DSTYK: variants seen among roughly 807,000 people sequenced by gnomAD.
DSTYK encodes RIP-homologous kinase.
Under a neutral mutation model 98.7 loss-of-function variants are expected in DSTYK, and 34 were observed. The ratio of observed to expected loss-of-function variants is 0.34; its 90% confidence interval spans 0.26 to 0.46. DSTYK has a LOEUF of 0.46. Among genes scored for constraint, DSTYK ranks in the 20% least tolerant of loss-of-function variants. The pLI, the probability that DSTYK is intolerant of heterozygous loss-of-function variation, is 1.00. For synonymous variants in DSTYK, 462 were observed against 457.3 expected (o/e 1.01, Z -0.13); for missense variants, 962 against 1,181.7 (o/e 0.81, Z 2.73).
rs1657753366 is a variant in DSTYK at position 205,162,340 on chromosome 1, A to C, written c.1642-128T>G. On this transcript the variant is annotated intron_variant, in intron 5 of 12. Transcript: ENST00000367162. Reference sequence around the variant, plus strand: ...GGCTCATAAGATGGGAGCCATACGAAGTCCAAAGTTCCTTTCCAATTCCAT... The same window carrying C: ...GGCTCATAAGATGGGAGCCATACGACGTCCAAAGTTCCTTTCCAATTCCAT... The C allele has an allele frequency of 1.8e-5, 20 of 1,124,208 alleles. No individual in the cohort carries two copies. The South Asian group carries it at 2.9e-4, about 17-fold the overall frequency. The allele number at this position is 1,124,208 out of a possible 1,614,324, so 69.6% of individuals were successfully genotyped here.
At chr1:205,188,464 T>C (rs1319593987) in intron 1 of DSTYK, among the ~76,000 whole-genome samples, 1 of 152,216 alleles carries the variant, frequency 6.6e-6, no homozygotes, top group African/African-American at 2.4e-5. Context: ...CATGTTACTG[T>C]ACTGAATACT....
intron 2 of DSTYK, among the ~76,000 whole-genome samples, chr1:205,175,100 C>T (rs891708971): frequency 2.1e-5 from 3 of 146,284 alleles, no homozygotes; most frequent in Non-Finnish European, 4.5e-5. Flanking sequence ...AAAGAAGCTG[C>T]CCTTTTTTTT....
chr1:205,198,895 G>A (rs763256595), intron 1 of DSTYK, among the ~76,000 whole-genome samples: 4 of 149,702 alleles, frequency 2.7e-5, no homozygotes, highest in East Asian at 3.9e-4. Context: ...GTGGTGGCGC[G>A]ATCTCGACTC....
At position 205,163,800 on chromosome 1, in the gene DSTYK, T is replaced by TAA; in HGVS notation, c.1479_1480insTT (p.Thr494LeufsTer29). ...AGGCTCTGCAGACATCGTTCCAGGG[T>TAA]TCCGACGAAGCTTTCCCTCAGGTAA... On this transcript the variant is annotated frameshift_variant, in exon 4 of 13. Transcript: ENST00000367162. LOFTEE classifies it high-confidence loss of function. 6.2e-7 allele frequency: 1 copy of TAA among 1,614,102 alleles called. No homozygotes were observed. The highest frequency in any genetic ancestry group is 8.5e-7 in the Non-Finnish European group (1 of 1,180,010).
chr1:205,147,529 TA>T lies in DSTYK; in HGVS notation c.*28del, dbSNP rs774851242. 3.1e-6 allele frequency: 5 copies of T among 1,592,708 alleles called. No homozygotes were observed. The Admixed American group carries it at 8.5e-5, about 27-fold the overall frequency. Reference sequence around the variant, plus strand: ...AAAAGGTGAGGGGGAAGGAAATAACTAGAGAGTGAAAGAGAAAGGTCTTTGC... The same window carrying T: ...AAAAGGTGAGGGGGAAGGAAATAACTGAGAGTGAAAGAGAAAGGTCTTTGC... On this transcript the variant is annotated 3_prime_UTR_variant, in exon 13 of 13. Transcript: ENST00000367162.
intron 2 of DSTYK, among the ~76,000 whole-genome samples, chr1:205,173,726 T>G (rs971882333): frequency 1.6e-4 from 24 of 151,928 alleles, no homozygotes; most frequent in African/African-American, 5.3e-4. Flanking sequence ...TACGGTTGTT[T>G]TTTTTTTTTT....
chr1:205,155,644 C>T (rs751834282), intron 10 of DSTYK, among the ~76,000 whole-genome samples: 4 of 148,090 alleles, frequency 2.7e-5, no homozygotes, highest in Admixed American at 6.8e-5. Context: ...GGCAACAGAG[C>T]GAGACTCCAT....
chr1:205,166,408 T>C (rs1657891714), intron 3 of DSTYK, among the ~76,000 whole-genome samples: 1 of 151,832 alleles, frequency 6.6e-6, no homozygotes, highest in Admixed American at 6.6e-5. Context: ...TCCTAGCACT[T>C]TGTGGGGGCT....
rs1463909789 is a variant in DSTYK at position 205,169,510 on chromosome 1, T to TCCTGGCCAGGAGCC, written c.963_976dup (p.Asp326GlyfsTer20). 6.2e-7 allele frequency: 1 copy of TCCTGGCCAGGAGCC among 1,614,136 alleles called. No individual in the cohort carries two copies. The highest frequency in any genetic ancestry group is 8.5e-7 in the Non-Finnish European group (1 of 1,180,032). On this transcript the variant is annotated frameshift_variant, in exon 3 of 13. Transcript: ENST00000367162. LOFTEE classifies it high-confidence loss of function. The surrounding 1 kb of genome is among the most constrained non-coding windows in gnomAD (Gnocchi z 4.0). ...CACCAACATGCTCTGAGCTTTAGTA[T>TCCTGGCCAGGAGCC]CCTGGCCAGGAGCCCCACAGTTCCA...
At chr1:205,205,548 C>T (rs538333661) in intron 1 of DSTYK, among the ~76,000 whole-genome samples, 60 of 152,146 alleles carry the variant, frequency 3.9e-4, no homozygotes, top group Non-Finnish European at 7.1e-4. Flanking sequence ...TGGGTTCCAG[C>T]GATTCTCCTG....
intron 1 of DSTYK, among the ~76,000 whole-genome samples, chr1:205,205,573 G>A (rs1445963749): frequency 6.6e-6 from 1 of 151,958 alleles, no homozygotes; most frequent in Non-Finnish European, 1.5e-5. Context: ...AGCCTCCTGA[G>A]CAGCTGGGAT....
In DSTYK at chr1:205,211,180, G is replaced by A. The variant is rs572532023; in HGVS notation, c.265+91C>T. 3.1e-4 allele frequency: 459 copies of A among 1,473,178 alleles called. 3 individuals are homozygous for A. In the Middle Eastern group the frequency reaches 5.3e-3, roughly 17 times the overall value. The allele number at this position is 1,473,178 out of a possible 1,614,324, so 91.3% of individuals were successfully genotyped here. ...CGACTGCCCCTTTCCGCCTGCCCGA[G>A]AAGACTCGGGCTTGTTTTGCAGGGC... On this transcript the variant is annotated intron_variant, in intron 1 of 12. Transcript: ENST00000367162.
rs374851853 is a variant in DSTYK, at chr1:205,162,094, C to G, written c.1760G>C (p.Ser587Thr). 2.2e-5 allele frequency: 36 copies of G among 1,614,148 alleles called. No individual in the cohort carries two copies. Among genetic ancestry groups the G allele is most frequent in the Admixed American group, 1.3e-4 (8 of 60,020 alleles). The part of the protein sequence containing the change: ...SASKLAKSIC[S>T]QFRTRLNSSH... ...ACTATTGAGCCGAGTCCGGAATTGG[C>G]TGCAAATGCTCTTAGCCAATTTGGA... The change falls in exon 6 of 13, where the codon AGC (serine) becomes ACC (threonine). Residue 587 changes from serine (S) to threonine (T), a missense_variant. Physicochemically the swap from Ser to Thr is moderately conservative, Grantham distance 58. Coordinates refer to ENST00000367162, the MANE Select transcript of DSTYK (RefSeq NM_015375.3).
At chr1:205,192,645 T>A (rs1023691357) in intron 1 of DSTYK, among the ~76,000 whole-genome samples, 4 of 152,054 alleles carry the variant, frequency 2.6e-5, no homozygotes, top group African/African-American at 7.2e-5. Flanking sequence ...GTGGATCACC[T>A]GAGGTCAGGA....
intron 1 of DSTYK, among the ~76,000 whole-genome samples, chr1:205,206,453 A>G (rs1454857808): frequency 6.7e-6 from 1 of 148,872 alleles, no homozygotes; most frequent in Non-Finnish European, 1.5e-5. Context: ...CTAATTTTGT[A>G]TTTTTAGTAG....
intron 11 of DSTYK, 81 bp from the exon 12 acceptor site, chr1:205,148,420 G>T: frequency 6.4e-7 from 1 of 1,566,530 alleles, no homozygotes; most frequent in South Asian, 1.1e-5. Context: ...TCAGTAGAGG[G>T]TTGGCTTTTT....
intron 2 of DSTYK, among the ~76,000 whole-genome samples, chr1:205,179,887 T>C (rs554639247): frequency 3.3e-5 from 5 of 152,290 alleles, no homozygotes; most frequent in Admixed American, 3.3e-4. Flanking sequence ...CCATCCATCC[T>C]CTACTCAGAA....
chr1:205,211,437 G>A lies in DSTYK; in HGVS notation c.99C>T (p.Arg33=). Residue 33 remains arginine, a synonymous_variant, in exon 1 of 13, where the codon CGC becomes CGT. Transcript: ENST00000367162. ...GCAGCCGTCCCAGGTAGCGGCGGTA[G>A]CGGCCGAAGCCCCGGCACAGCTCGC... ...MIRELCRGFG[R]YRRYLGRLRQ... The A allele has an allele frequency of 6.2e-7, 1 of 1,604,642 alleles. No homozygotes were observed. The highest frequency in any genetic ancestry group is 8.5e-7 in the Non-Finnish European group (1 of 1,177,900).
At chr1:205,202,827 G>A (rs1354618760) in intron 1 of DSTYK, 2 of 497,660 alleles carry the variant, frequency 4.0e-6, no homozygotes, top group African/African-American at 3.9e-5. Flanking sequence ...ATCTGTATGA[G>A]CAGAGCCTAT....
Sources: allele counts gnomAD v4.1 joint callset (sites outside exome capture counted in the v4.1 genomes callset), GRCh38; gene constraint gnomAD v4.1.1; non-coding constraint Gnocchi (gnomAD v3.1); transcripts MANE v1.5; gene names NCBI Gene and HGNC (gene_info 2026-07-23, HGNC 2026-07-21).